Variants in LRBA observed in about 807,000 individuals in gnomAD.
The protein encoded by LRBA is lipopolysaccharide-responsive and beige-like anchor protein.
A neutral mutation model predicts 330.0 loss-of-function variants in LRBA; 176 were observed. The ratio of observed to expected loss-of-function variants is 0.53; its 90% confidence interval spans 0.47 to 0.60. The LOEUF (loss-of-function observed/expected upper bound fraction) is 0.60. Ranked by LOEUF, LRBA falls within the 20% of genes least tolerant of loss-of-function variation. The pLI, the probability that LRBA is intolerant of heterozygous loss-of-function variation, is 0.00. For missense variants in LRBA, 3,259 were observed against 3,444.8 expected, an observed-to-expected ratio of 0.95 and a Z score of 1.35; for synonymous variants, 1,230 against 1,193.0, an observed-to-expected ratio of 1.03 and a Z score of -0.64.
chr4:150,407,848 A>G (rs891802530), intron 47 of LRBA, among the ~76,000 whole-genome samples: 3 of 152,198 alleles, frequency 2.0e-5, no homozygotes, highest in Non-Finnish European at 2.9e-5. Flanking sequence ...AGAGAATTGC[A>G]TAAGCTGAAT....
chr4:150,737,706 C>T (rs1731397529), intron 35 of LRBA, among the ~76,000 whole-genome samples: 1 of 151,990 alleles, frequency 6.6e-6, no homozygotes, highest in East Asian at 1.9e-4. Context: ...AAGAATTTAG[C>T]TTTCATCAAT....
intron 40 of LRBA, among the ~76,000 whole-genome samples, chr4:150,521,098 G>T (rs1762876398): frequency 6.6e-6 from 1 of 151,956 alleles, no homozygotes; most frequent in South Asian, 2.1e-4. Context: ...AATATTGGTA[G>T]TTCATACCTT....
chr4:150,634,215 T>G (rs113761473), intron 37 of LRBA, among the ~76,000 whole-genome samples: 2 of 152,338 alleles, frequency 1.3e-5, no homozygotes, highest in African/African-American at 4.8e-5. Flanking sequence ...GCTCTTTAAC[T>G]AGATATCAAT....
In LRBA at chr4:150,848,839, A is replaced by G. The variant is rs752047125; in HGVS notation, c.4318T>C (p.Leu1440=). The change falls in exon 26 of 57, where the codon TTG becomes CTG. Residue 1440 remains leucine (L), a synonymous_variant. Transcript: ENST00000651943. ...TCACCTAGTCGGAGACACTGCCGCA[A>G]AATTCCTCCAGATGACATACTTTTT... ...AEKSMSSGGI[L]RQCLRLVCAV... is the part of the protein sequence containing the mutation. 2 of 1,606,594 alleles carry G rather than the reference A, an allele frequency of 1.2e-6. No homozygotes were observed. Among genetic ancestry groups the G allele is most frequent in the East Asian group, 4.5e-5 (2 of 44,810 alleles).
intron 34 of LRBA, among the ~76,000 whole-genome samples, chr4:150,792,662 A>C (rs1273352618): frequency 6.6e-6 from 1 of 152,110 alleles, no homozygotes; most frequent in East Asian, 1.9e-4. Flanking sequence ...CATGCTACCA[A>C]GTTCAGTTAA....
At chr4:150,740,143 T>C (rs963793188) in intron 35 of LRBA, among the ~76,000 whole-genome samples, 5 of 152,202 alleles carry the variant, frequency 3.3e-5, no homozygotes, top group African/African-American at 1.2e-4. Flanking sequence ...TAGGAAACGT[T>C]TGCAGTAAAA....
Position 150,841,718 on chromosome 4 carries a change from C to T in LRBA, c.4569+2382G>A, listed in dbSNP as rs566406517. Among the ~76,000 whole-genome samples the T allele has an allele frequency of 4.2e-3, 632 of 151,814 alleles. 3 individuals are homozygous for T. Among genetic ancestry groups the T allele is most frequent in the Non-Finnish European group, 7.6e-3 (513 of 67,920 alleles). Reference sequence around the variant, plus strand: ...CCCAGGCTGGACTGCAGTGGTGTGACCTGGGCTCACTGCAAGCTCCGCCTC... The same window carrying T: ...CCCAGGCTGGACTGCAGTGGTGTGATCTGGGCTCACTGCAAGCTCCGCCTC... On this transcript the variant is annotated intron_variant, in intron 28 of 56. Transcript: ENST00000651943.
At chr4:150,592,684 G>C (rs1773040703) in intron 38 of LRBA, among the ~76,000 whole-genome samples, 1 of 151,964 alleles carries the variant, frequency 6.6e-6, no homozygotes, top group African/African-American at 2.4e-5. Context: ...ACCCAGGCTG[G>C]AGTGCAAAGG....
At chr4:151,001,186 G>A (rs892057743) in intron 2 of LRBA, among the ~76,000 whole-genome samples, 2 of 152,224 alleles carry the variant, frequency 1.3e-5, no homozygotes, top group Non-Finnish European at 2.9e-5. Context: ...AGCAGCTGGT[G>A]CACAGACAGA....
intron 28 of LRBA, among the ~76,000 whole-genome samples, chr4:150,841,945 C>T (rs554624147): frequency 4.6e-5 from 7 of 152,186 alleles, no homozygotes; most frequent in Admixed American, 2.0e-4. Context: ...TGTGAGCCAC[C>T]GCACCCACCC....
At chr4:150,515,323 C>T (rs1762222866) in intron 40 of LRBA, among the ~76,000 whole-genome samples, 1 of 152,094 alleles carries the variant, frequency 6.6e-6, no homozygotes, top group South Asian at 2.1e-4. Context: ...TCATCATTTA[C>T]TAGATGCTGA....
chr4:150,897,505 A>ACC (rs1730219564), intron 15 of LRBA, among the ~76,000 whole-genome samples: 2 of 152,096 alleles, frequency 1.3e-5, no homozygotes, highest in East Asian at 1.9e-4. Flanking sequence ...CACTTGAGCT[A>ACC]CTATACAAAT....
intron 2 of LRBA, among the ~76,000 whole-genome samples, chr4:150,987,504 G>A (rs1003119714): frequency 2.6e-5 from 4 of 151,908 alleles, no homozygotes; most frequent in African/African-American, 4.8e-5. Flanking sequence ...TCAGGAGCTC[G>A]AAAACAGCTG....
At position 150,742,116 on chromosome 4, in the gene LRBA, AATT is replaced by A. The variant is rs377206842; in HGVS notation, c.5646-6753_5646-6751del. Among the ~76,000 whole-genome samples the A allele has an allele frequency of 5.6e-3, 830 of 148,322 alleles. 6 individuals are homozygous for A. Among genetic ancestry groups the A allele is most frequent in the South Asian group, 0.012 (57 of 4,706 alleles). On this transcript the variant is annotated intron_variant, in intron 35 of 56. Coordinates refer to ENST00000651943, the MANE Select transcript of LRBA (RefSeq NM_001364905.1). ...GAGAACATAGAGCGGGCAGGGATAGAATTATTATTATTATCATTATTATTATTA... is the reference window on the plus strand; with the variant it reads ...GAGAACATAGAGCGGGCAGGGATAGAATTATTATTATCATTATTATTATTA...
chr4:150,830,059 C>G (rs1746935100), intron 29 of LRBA, among the ~76,000 whole-genome samples: 1 of 152,148 alleles, frequency 6.6e-6, no homozygotes, highest in Non-Finnish European at 1.5e-5. Context: ...CTAATCCAAC[C>G]CACCATAACC....
At chr4:150,719,858 C>G (rs1728699231) in intron 36 of LRBA, among the ~76,000 whole-genome samples, 1 of 152,132 alleles carries the variant, frequency 6.6e-6, no homozygotes, top group African/African-American at 2.4e-5. Context: ...CTCGACTCTA[C>G]TCTCTTAAAT....
chr4:150,431,315 G>A (rs918738202), intron 46 of LRBA, among the ~76,000 whole-genome samples: 1 of 152,140 alleles, frequency 6.6e-6, no homozygotes, highest in African/African-American at 2.4e-5. Context: ...CTAATTGTCT[G>A]TTTATTTTTA....
chr4:150,375,176 G>A (rs1027607603), intron 47 of LRBA, among the ~76,000 whole-genome samples: 16 of 152,076 alleles, frequency 1.1e-4, no homozygotes, highest in African/African-American at 3.9e-4. Flanking sequence ...TATTGCTGTA[G>A]AGGGCCTACA....
At chr4:150,956,399 A>T (rs906688780) in intron 2 of LRBA, among the ~76,000 whole-genome samples, 3 of 145,688 alleles carry the variant, frequency 2.1e-5, no homozygotes. Flanking sequence ...AAAACAAAAC[A>T]AAAAAAAAAC....
Sources: allele counts gnomAD v4.1 joint callset (sites outside exome capture counted in the v4.1 genomes callset), GRCh38; gene constraint gnomAD v4.1.1; transcripts MANE v1.5; gene names NCBI Gene and HGNC (gene_info 2026-07-23, HGNC 2026-07-21).